GM2A: variants seen among roughly 807,000 people sequenced by gnomAD.
GM2A encodes the protein GM2 ganglioside activator.
GM2A carries 7 observed loss-of-function variants against 12.9 expected under a neutral mutation model. The ratio of observed to expected loss-of-function variants is 0.54; its 90% CI spans 0.31 to 1.02. GM2A has a LOEUF of 1.02. Ranked by LOEUF, GM2A falls within the 50% of genes least tolerant of loss-of-function variation. The pLI is 0.05. For missense variants in GM2A, 246 were observed against 241.0 expected (o/e 1.02, Z -0.14); for synonymous variants, 101 against 96.0 (o/e 1.05, Z -0.30).
At chr5:151,253,848 C>CTCCTTCACTTCTCATTGACACCGCTTCT (rs1753636184) in intron 1 of GM2A, among the ~76,000 whole-genome samples, 4 of 152,298 alleles carry the variant, frequency 2.6e-5, no homozygotes, top group Admixed American at 6.5e-5. Context: ...TCCAAGCTTC[C>CTCCTTCACTTCTCATTGACACCGCTTCT]TCCTTCACTT....
chr5:151,266,925 G>A lies in GM2A; in HGVS notation c.426+12G>A. The stretch of plus-strand genomic sequence containing the variant: ...GTCCCTTCAAAGAAGTAAGTACTTA[G>A]GGAGGAGAGAGCGTTACCCCTGTGG... On this transcript the variant is annotated intron_variant, in intron 3 of 3. Transcript: ENST00000357164. 1 of 1,606,152 alleles carries A rather than the reference G, an allele frequency of 6.2e-7. No homozygotes were observed.
chr5:151,267,039 T>G, intron 3 of GM2A, 126 bp downstream of exon 3: 1 of 912,282 alleles, frequency 1.1e-6, no homozygotes, highest in South Asian at 1.4e-5. Context: ...GTGTGACCTA[T>G]CAGGAATCAC....
At position 151,267,636 on chromosome 5, in the gene GM2A, C is replaced by A; in HGVS notation, c.*185C>A. ...TTTAGGCTGGGGCAAGCAGCCCTGA[C>A]CTAAGGGAGAATGAGTTGGACAGTT... On this transcript the variant is annotated 3_prime_UTR_variant, in exon 4 of 4. Coordinates refer to ENST00000357164, the MANE Select transcript of GM2A (RefSeq NM_000405.5). The A allele has an allele frequency of 6.6e-7, 1 of 1,515,156 alleles. No individual in the cohort carries two copies. The highest frequency in any genetic ancestry group is 8.8e-7 in the Non-Finnish European group (1 of 1,133,324). The allele number at this position is 1,515,156 out of a possible 1,614,324, so 93.9% of individuals were successfully genotyped here. A position where few individuals can be genotyped will look rare whatever the true frequency, so the allele number is the denominator to read the frequency against.
chr5:151,261,625 G>A (rs546266267), intron 2 of GM2A, among the ~76,000 whole-genome samples: 1 of 152,050 alleles, frequency 6.6e-6, no homozygotes, highest in Non-Finnish European at 1.5e-5. Context: ...TTTTAGTAGA[G>A]ATGGGGTTTC....
In GM2A at chr5:151,268,614, C is replaced by A; in HGVS notation, c.*1163C>A. 1.1e-6 allele frequency: 1 copy of A among 882,046 alleles called. No homozygotes were observed. The highest frequency in any genetic ancestry group is 1.4e-6 in the Non-Finnish European group (1 of 735,628). The allele number at this position is 882,046 out of a possible 1,614,324, so 54.6% of individuals were successfully genotyped here. A position where few individuals can be genotyped will look rare whatever the true frequency, so the allele number is the denominator to read the frequency against. ...TGGAGTCAGTTGGAGAGTGCATAGC[C>A]AGTCTGTGAAGACAACTGCCAGATA... On this transcript the variant is annotated 3_prime_UTR_variant, in exon 4 of 4. Coordinates refer to ENST00000357164, the MANE Select transcript of GM2A (RefSeq NM_000405.5).
chr5:151,266,356 T>G (rs1430033509), intron 2 of GM2A, among the ~76,000 whole-genome samples: 1 of 151,642 alleles, frequency 6.6e-6, no homozygotes, highest in Non-Finnish European at 1.5e-5. Flanking sequence ...CATGTGCCTG[T>G]CTGTGTTTCC....
rs556571544 is a variant in GM2A, at chr5:151,267,212, T to C, written c.427-84T>C. ...GAATGGGAAGAGGGGTGGTAGTTCA[T>C]GGCTGCAATCCTAGCAGTGGCTCTA... is the stretch of plus-strand genomic sequence containing the variant. On this transcript the variant is annotated intron_variant, in intron 3 of 3. Transcript: ENST00000357164. 8.9e-6 allele frequency: 14 copies of C among 1,577,846 alleles called. No individual in the cohort carries two copies. In the South Asian group the frequency reaches 1.5e-4, roughly 16 times the overall value.
Position 151,269,754 on chromosome 5 carries a change from CT to C in GM2A, c.*2306del, listed in dbSNP as rs1301261456. ...AACTCACTGCAACCCCACGGTCCCG[CT>C]TTAAGGTCCATAAATATCCCTAAGG... On this transcript the variant is annotated 3_prime_UTR_variant, in exon 4 of 4. Transcript: ENST00000357164. 3 of 165,928 alleles carry C rather than the reference CT, an allele frequency of 1.8e-5. No individual in the cohort carries two copies. Among genetic ancestry groups the C allele is most frequent in the African/African-American group, 7.2e-5 (3 of 41,824 alleles). 10.3% of individuals were successfully genotyped at this position (165,928 alleles called of 1,614,324 possible). A position where few individuals can be genotyped will look rare whatever the true frequency, so the allele number is the denominator to read the frequency against.
chr5:151,257,547 T>A (rs968903835), intron 1 of GM2A, among the ~76,000 whole-genome samples: 9 of 152,156 alleles, frequency 5.9e-5, no homozygotes, highest in Admixed American at 6.5e-5. Flanking sequence ...AGGCAATCTT[T>A]CCCTTGACCA....
chr5:151,259,013 T>C (rs1349394655), intron 1 of GM2A, among the ~76,000 whole-genome samples: 1 of 151,700 alleles, frequency 6.6e-6, no homozygotes, highest in Non-Finnish European at 1.5e-5. Flanking sequence ...GCAGATGTAG[T>C]GGTGGTGGAA....
Position 151,269,577 on chromosome 5 carries a change from C to A in GM2A, c.*2126C>A. 2.7e-6 allele frequency: 1 copy of A among 374,142 alleles called. No individual in the cohort carries two copies. The highest frequency in any genetic ancestry group is 3.7e-6 in the Non-Finnish European group (1 of 270,824). The allele number at this position is 374,142 out of a possible 1,614,324, so 23.2% of individuals were successfully genotyped here. On this transcript the variant is annotated 3_prime_UTR_variant, in exon 4 of 4. Transcript: ENST00000357164. ...AAAGACCACCTGGTGACTATCAGGC[C>A]ATGCAGAGGCAAAACGCCTTATTTG...
At chr5:151,264,223 T>C (rs1753845595) in intron 2 of GM2A, among the ~76,000 whole-genome samples, 1 of 152,262 alleles carries the variant, frequency 6.6e-6, no homozygotes, top group African/African-American at 2.4e-5. Flanking sequence ...TGCTTCCTTT[T>C]CTGAGTCATA....
At position 151,267,557 on chromosome 5, in the gene GM2A, C is replaced by T. The variant is rs1057419045; in HGVS notation, c.*106C>T. 6.4e-7 allele frequency: 1 copy of T among 1,568,842 alleles called. No individual in the cohort carries two copies. Among genetic ancestry groups the T allele is most frequent in the African/African-American group, 1.3e-5 (1 of 74,316 alleles). The stretch of plus-strand genomic sequence containing the variant: ...CCACTCTCTGCCCCCCTTTAATCCC[C>T]TTTCTACAGTGAGTCCACTACCCTC... On this transcript the variant is annotated 3_prime_UTR_variant, in exon 4 of 4. Coordinates refer to ENST00000357164, the MANE Select transcript of GM2A (RefSeq NM_000405.5).
chr5:151,261,664 C>T (rs1014767070), intron 2 of GM2A, among the ~76,000 whole-genome samples: 1 of 152,142 alleles, frequency 6.6e-6, no homozygotes, highest in Non-Finnish European at 1.5e-5. Flanking sequence ...GTCTTGAACT[C>T]CTGACCTCAG....
intron 1 of GM2A, 132 bp downstream of exon 1, chr5:151,253,429 T>C (rs2114026250): frequency 1.4e-6 from 1 of 715,306 alleles, no homozygotes; most frequent in East Asian, 2.7e-5. Context: ...CCTTCCAAAG[T>C]AACTAATTAT....
chr5:151,267,578 C>T lies in GM2A; in HGVS notation c.*127C>T. 5.8e-6 allele frequency: 9 copies of T among 1,545,884 alleles called. No individual in the cohort carries two copies. Among genetic ancestry groups the T allele is most frequent in the Non-Finnish European group, 7.8e-6 (9 of 1,148,472 alleles). On this transcript the variant is annotated 3_prime_UTR_variant, in exon 4 of 4. Coordinates refer to ENST00000357164, the MANE Select transcript of GM2A (RefSeq NM_000405.5). ...TCCCCTTTCTACAGTGAGTCCACTA[C>T]CCTCACTGAAAATCATTTTGTACCA...
At chr5:151,264,981 C>CA (rs796633790) in intron 2 of GM2A, among the ~76,000 whole-genome samples, 1,600 of 122,070 alleles carry the variant, frequency 0.013, 21 homozygotes, top group Non-Finnish European at 0.015. Context: ...GACTCTGTCT[C>CA]AAAAAAAAAA....
chr5:151,268,081 G>T lies in GM2A; in HGVS notation c.*630G>T. The T allele has an allele frequency of 3.0e-6, 3 of 995,092 alleles. No individual in the cohort carries two copies. Among genetic ancestry groups the T allele is most frequent in the Non-Finnish European group, 2.4e-6 (2 of 835,112 alleles). 61.6% of individuals were successfully genotyped at this position (995,092 alleles called of 1,614,324 possible). A position where few individuals can be genotyped will look rare whatever the true frequency, so the allele number is the denominator to read the frequency against. On this transcript the variant is annotated 3_prime_UTR_variant, in exon 4 of 4. Coordinates refer to ENST00000357164, the MANE Select transcript of GM2A (RefSeq NM_000405.5). The stretch of plus-strand genomic sequence containing the variant: ...CTGTTGTTTACAAACTCAGGTACCC[G>T]CAGGGCCTAGCAAGAGACTTAAATG...
In GM2A at chr5:151,266,911, G is replaced by T. The variant is rs1753898556; in HGVS notation, c.424G>T (p.Glu142Ter). Reference protein sequence around the residue: ...YGLPCHCPFKEGTYSLPKSEF... With the variant: ...YGLPCHCPFK ...GCTTCCTTGCCACTGTCCCTTCAAA[G>T]AAGTAAGTACTTAGGGAGGAGAGAG... The change falls in exon 3 of 4, where the codon GAA becomes TAA. Residue 142 changes from glutamate to a stop codon, truncating the protein, a stop_gained and splice_region_variant. Coordinates refer to ENST00000357164, the MANE Select transcript of GM2A (RefSeq NM_000405.5). LOFTEE classifies it low-confidence loss of function (END_TRUNC). 6.2e-7 allele frequency: 1 copy of T among 1,612,280 alleles called. No individual in the cohort carries two copies. Among genetic ancestry groups the T allele is most frequent in the Non-Finnish European group, 8.5e-7 (1 of 1,178,454 alleles).
Sources: gnomAD v4.1 joint callset for allele counts (sites outside exome capture counted in the v4.1 genomes callset) on GRCh38, gnomAD v4.1.1 for gene constraint, MANE v1.5 for transcripts, NCBI Gene and HGNC (gene_info 2026-07-23, HGNC 2026-07-21) for gene names.